ICE1: variants seen among roughly 807,000 people sequenced by gnomAD.
ICE1 encodes interactor of little elongation complex ELL subunit 1.
Under a neutral mutation model 192.7 loss-of-function variants are expected in ICE1, and 64 were observed. That is an observed-to-expected ratio of 0.33 (90% CI 0.27 to 0.41). The LOEUF is 0.41. Ranked by LOEUF, ICE1 falls within the 10% of genes least tolerant of loss-of-function variation. The pLI is 1.00. For missense variants in ICE1, 2,708 were observed against 2,696.0 expected, an observed-to-expected ratio of 1.00 and a Z score of -0.10; for synonymous variants, 1,010 against 984.5, an observed-to-expected ratio of 1.03 and a Z score of -0.49.
At chr5:5,440,428 A>T (rs1738008160) in intron 4 of ICE1, among the ~76,000 whole-genome samples, 1 of 152,220 alleles carries the variant, frequency 6.6e-6, no homozygotes, top group Non-Finnish European at 1.5e-5. Context: ...GAACAGCCGG[A>T]TTCTCAGCCA....
At chr5:5,442,288 A>G (rs935567809) in intron 5 of ICE1, among the ~76,000 whole-genome samples, 8 of 152,190 alleles carry the variant, frequency 5.3e-5, no homozygotes, top group African/African-American at 1.9e-4. Context: ...TTCTCACGGT[A>G]GTGTTTGTGC....
At chr5:5,466,911 G>A (rs553752310) in intron 14 of ICE1, among the ~76,000 whole-genome samples, 176 of 152,262 alleles carry the variant, frequency 1.2e-3, no homozygotes, top group Non-Finnish European at 1.5e-3. Context: ...GAAAGGAGAC[G>A]GTGACATGAG....
In ICE1 at chr5:5,464,130, G is replaced by A; in HGVS notation, c.4796G>A (p.Ser1599Asn). 6.2e-7 allele frequency: 1 copy of A among 1,613,476 alleles called. No individual in the cohort carries two copies. The highest frequency in any genetic ancestry group is 8.5e-7 in the Non-Finnish European group (1 of 1,179,876). Residue 1599 changes from serine to asparagine, a missense_variant, in exon 13 of 19, where the codon AGC (serine) becomes AAC (asparagine). Physicochemically the swap from Ser to Asn is conservative, Grantham distance 46. This residue lies in a region of ICE1 where 2,366 missense variants were observed against 2,276.6 expected (regional missense o/e 1.04). Transcript: ENST00000296564. The surrounding 1 kb of genome is among the most constrained non-coding windows in gnomAD (Gnocchi z 4.0). ...AAAGCTAATACAAAAACTCAAAGAA[G>A]CCAAACTCAGACCATTTTAGCAAAT... is the stretch of plus-strand genomic sequence containing the variant. Reference protein sequence around the residue: ...GEKANTKTQRSQTQTILANAD... With the variant: ...GEKANTKTQRNQTQTILANAD...
At chr5:5,436,849 G>C (rs1737884222) in intron 2 of ICE1, among the ~76,000 whole-genome samples, 1 of 152,086 alleles carries the variant, frequency 6.6e-6, no homozygotes, top group South Asian at 2.1e-4. Flanking sequence ...ATAGTCTCAT[G>C]AATGTATGAG....
intron 16 of ICE1, 68 bp from the exon 17 acceptor site, chr5:5,475,905 C>A: frequency 2.1e-6 from 2 of 954,862 alleles, no homozygotes; most frequent in Non-Finnish European, 3.3e-6. Context: ...GCTTAAGGAT[C>A]ATTTATAAGA....
At chr5:5,443,311 G>T in intron 6 of ICE1, 67 bp downstream of exon 6, 1 of 881,990 alleles carries the variant, frequency 1.1e-6, no homozygotes, top group Non-Finnish European at 1.7e-6. Context: ...TTCTTAAGTC[G>T]GTAGTGTTTT....
chr5:5,466,427 G>T lies in ICE1; in HGVS notation c.5986G>T (p.Val1996Leu), dbSNP rs1474337269. The change falls in exon 14 of 19, where the codon GTG becomes TTG. Residue 1996 changes from valine to leucine, a missense_variant. Physicochemically the swap from Val to Leu is conservative, Grantham distance 32. Coordinates refer to ENST00000296564, the MANE Select transcript of ICE1 (RefSeq NM_015325.3). ...CAATTACATTCACGCCCTCTGCAGG[G>T]TGTATGTGGGTATTTGTCGGCAACT... ...DHNYIHALCR[V>L]YVGICRQLGD... 2 of 1,613,590 alleles carry T rather than the reference G, an allele frequency of 1.2e-6. No homozygotes were observed. Among genetic ancestry groups the T allele is most frequent in the Admixed American group, 1.7e-5 (1 of 59,964 alleles).
At position 5,460,963 on chromosome 5, in the gene ICE1, C is replaced by A. The variant is rs1738755349; in HGVS notation, c.1629C>A (p.Leu543=). The A allele has an allele frequency of 1.2e-6, 2 of 1,614,038 alleles. No individual in the cohort carries two copies. Among genetic ancestry groups the A allele is most frequent in the South Asian group, 2.2e-5 (2 of 91,090 alleles). The change falls in exon 13 of 19, where the codon CTC becomes CTA. Residue 543 remains leucine, a synonymous_variant. Coordinates refer to ENST00000296564, the MANE Select transcript of ICE1 (RefSeq NM_015325.3). ...TTGGCAAAAGGCCATTAAATGAACT[C>A]ATGGAATCTGAAGGAAAAACCGTAT... is the stretch of plus-strand genomic sequence containing the variant. ...SPLGKRPLNE[L]MESEGKTVLS...
chr5:5,441,201 A>C lies in ICE1; in HGVS notation c.287A>C (p.Lys96Thr). 6.4e-7 allele frequency: 1 copy of C among 1,557,796 alleles called. No individual in the cohort carries two copies. The highest frequency in any genetic ancestry group is 1.2e-5 in the South Asian group (1 of 84,496). Residue 96 changes from lysine to threonine, a missense_variant, in exon 5 of 19, where the codon AAA (lysine) becomes ACA (threonine). This residue lies in a region of ICE1 where 2,366 missense variants were observed against 2,276.6 expected (regional missense o/e 1.04). Coordinates refer to ENST00000296564, the MANE Select transcript of ICE1 (RefSeq NM_015325.3). ...QKCQEELGSL[K>T]AELEEKKSSL... ...TGTCAGGAAGAACTGGGATCTTTAA[A>C]AGCAGAGCTAGAAGAGAAAAAGGTA...
intron 17 of ICE1, among the ~76,000 whole-genome samples, chr5:5,476,506 C>G (rs1162948039): frequency 6.6e-6 from 1 of 152,090 alleles, no homozygotes; most frequent in Non-Finnish European, 1.5e-5. Context: ...GCAGGCTTTA[C>G]AGGAAGTAGA....
At chr5:5,467,384 G>A (rs568620660) in intron 14 of ICE1, among the ~76,000 whole-genome samples, 5 of 152,154 alleles carry the variant, frequency 3.3e-5, no homozygotes, top group East Asian at 1.9e-4. Flanking sequence ...GTGTGGGCTC[G>A]GCCAGGACCA....
intron 1 of ICE1, among the ~76,000 whole-genome samples, chr5:5,429,028 A>G (rs535967265): frequency 1.3e-5 from 2 of 152,320 alleles, no homozygotes; most frequent in South Asian, 4.1e-4. Flanking sequence ...AAGTCAGTAA[A>G]GGGAAAAGGC....
In ICE1 at chr5:5,464,777, G is replaced by C; in HGVS notation, c.5443G>C (p.Gly1815Arg). 1 of 1,613,752 alleles carries C rather than the reference G, an allele frequency of 6.2e-7. No homozygotes were observed. Among genetic ancestry groups the C allele is most frequent in the Non-Finnish European group, 8.5e-7 (1 of 1,179,810 alleles). ...AFVKTGSSSG[G>R]DCNQDKSRDL... is the part of the protein sequence containing the mutation. ...TGTCAAAACTGGGAGCAGCTCTGGT[G>C]GTGACTGTAACCAAGACAAGTCAAG... The change falls in exon 13 of 19, where the codon GGT (glycine) becomes CGT (arginine). Residue 1815 changes from glycine (G) to arginine (R), a missense_variant. This residue lies in a region of ICE1 where 2,366 missense variants were observed against 2,276.6 expected (regional missense o/e 1.04). Coordinates refer to ENST00000296564, the MANE Select transcript of ICE1 (RefSeq NM_015325.3). This position sits in a 1 kb window ranked among gnomAD's most constrained non-coding sequence, Gnocchi z 4.0.
At chr5:5,482,944 C>G (rs1191128789) in intron 17 of ICE1, among the ~76,000 whole-genome samples, 1 of 152,070 alleles carries the variant, frequency 6.6e-6, no homozygotes. Flanking sequence ...ATAATAATAA[C>G]TTAAGTCACA....
rs1166370359 is a variant in ICE1, at chr5:5,463,227, A to G, written c.3893A>G (p.Asn1298Ser). The change falls in exon 13 of 19, where the codon AAT becomes AGT. Residue 1298 changes from asparagine to serine, a missense_variant. This residue lies in a region of ICE1 where 2,366 missense variants were observed against 2,276.6 expected (regional missense o/e 1.04). Coordinates refer to ENST00000296564, the MANE Select transcript of ICE1 (RefSeq NM_015325.3). ...GTAAATAACAACATGACCACTGAGA[A>G]TTTAAAAGAGAAAAGTCCATTTCGG... ...LNVNNNMTTE[N>S]LKEKSPFRET... 1 of 1,611,888 alleles carries G rather than the reference A, an allele frequency of 6.2e-7. No individual in the cohort carries two copies. Among genetic ancestry groups the G allele is most frequent in the Non-Finnish European group, 8.5e-7 (1 of 1,179,284 alleles).
chr5:5,470,805 A>G (rs772206476), intron 15 of ICE1, among the ~76,000 whole-genome samples: 1 of 152,178 alleles, frequency 6.6e-6, no homozygotes, highest in Non-Finnish European at 1.5e-5. Flanking sequence ...TGAAATTGAG[A>G]TATACATTCT....
rs1409033109 is a variant in ICE1, at chr5:5,422,871, C to A, written c.-45C>A. 1 of 1,264,892 alleles carries A rather than the reference C, an allele frequency of 7.9e-7. No individual in the cohort carries two copies. The highest frequency in any genetic ancestry group is 1.0e-6 in the Non-Finnish European group (1 of 1,000,434). 78.4% of individuals were successfully genotyped at this position (1,264,892 alleles called of 1,614,324 possible). A position where few individuals can be genotyped will look rare whatever the true frequency, so the allele number is the denominator to read the frequency against. ...CAGAGACAGGACGGGGCCGACGCCG[C>A]GGGCCCCTGAGGCGTGCGTGCCCAC... On this transcript the variant is annotated 5_prime_UTR_variant, in exon 1 of 19. Transcript: ENST00000296564.
At chr5:5,438,460 ATCT>A (rs918296940) in intron 3 of ICE1, among the ~76,000 whole-genome samples, 34 of 152,352 alleles carry the variant, frequency 2.2e-4, no homozygotes, top group Middle Eastern at 3.4e-3. Context: ...GTCATTGGAA[ATCT>A]TCTTATGTGC....
At chr5:5,477,944 A>G (rs1453441126) in intron 17 of ICE1, among the ~76,000 whole-genome samples, 1 of 152,192 alleles carries the variant, frequency 6.6e-6, no homozygotes, top group Non-Finnish European at 1.5e-5. Flanking sequence ...CCTTCATGCT[A>G]AAAACTCTCA....
Sources: allele counts gnomAD v4.1 joint callset (sites outside exome capture counted in the v4.1 genomes callset), GRCh38; gene constraint gnomAD v4.1.1; regional missense constraint gnomAD v4.1.1; non-coding constraint Gnocchi (gnomAD v3.1); transcripts MANE v1.5; gene names NCBI Gene and HGNC (gene_info 2026-07-23, HGNC 2026-07-21).